The following ZNF143 variants were observed in gnomAD, a reference collection of about 807,000 sequenced individuals.
ZNF143 encodes SPH-binding factor.
A neutral mutation model predicts 74.1 loss-of-function variants in ZNF143; 49 were observed. The observed-to-expected ratio is 0.66, with a 90% confidence interval of 0.53 to 0.84. ZNF143 has a LOEUF of 0.84. Ranked by LOEUF, ZNF143 falls within the 40% of genes least tolerant of loss-of-function variation. The pLI, the probability that ZNF143 is intolerant of heterozygous loss-of-function variation, is 0.00. For synonymous variants in ZNF143, 304 were observed against 282.8 expected, an observed-to-expected ratio of 1.07 and a Z score of -0.75; for missense variants, 637 against 793.4, an observed-to-expected ratio of 0.80 and a Z score of 2.37.
At chr11:9,496,600 TC>T in intron 9 of ZNF143, among the ~76,000 whole-genome samples, 2 of 151,820 alleles carry the variant, frequency 1.3e-5, no homozygotes, top group African/African-American at 4.8e-5. Flanking sequence ...TTTTTCTTTT[TC>T]TTTTTCTTTT....
chr11:9,525,396 A>G lies in ZNF143; in HGVS notation c.1833+10A>G. 1 of 1,614,018 alleles carries G rather than the reference A, an allele frequency of 6.2e-7. No homozygotes were observed. Among genetic ancestry groups the G allele is most frequent in the Non-Finnish European group, 8.5e-7 (1 of 1,179,934 alleles). On this transcript the variant is annotated intron_variant, in intron 15 of 15. Transcript: ENST00000396602. ...CCAGATTGCAGTTCAGGTGAGTACC[A>G]AGGCATACTGTCCTCAGTCGACAGC...
At chr11:9,527,262 A>G (rs190768617) in intron 15 of ZNF143, among the ~76,000 whole-genome samples, 3 of 152,308 alleles carry the variant, frequency 2.0e-5, no homozygotes, top group Non-Finnish European at 4.4e-5. Flanking sequence ...ATGGGCCACC[A>G]TGCCCCGCTG....
intron 12 of ZNF143, 60 bp downstream of exon 12, chr11:9,508,906 A>C: frequency 6.8e-7 from 1 of 1,476,990 alleles, no homozygotes; most frequent in South Asian, 1.2e-5. Context: ...TTATGAACAT[A>C]ATTTATGATT....
chr11:9,508,296 A>G (rs1289782541), intron 11 of ZNF143, among the ~76,000 whole-genome samples: 1 of 152,220 alleles, frequency 6.6e-6, no homozygotes, highest in Non-Finnish European at 1.5e-5. Flanking sequence ...AACAGTATCT[A>G]GATTATCTAA....
In ZNF143 at chr11:9,472,734, A is replaced by G. The variant is rs1856655616; in HGVS notation, c.170A>G (p.Asp57Gly). ...AGCTTGCAAGCAGTAACACTTGCAGATGGTTCTACTGCTTACATACAACAC... is the reference window on the plus strand; with the variant it reads ...AGCTTGCAAGCAGTAACACTTGCAGGTGGTTCTACTGCTTACATACAACAC... ...GVSLQAVTLADGSTAYIQHNS... is the reference protein window; with the variant it reads ...GVSLQAVTLAGGSTAYIQHNS... The change falls in exon 3 of 16, where the codon GAT (aspartate) becomes GGT (glycine). Residue 57 changes from aspartate (D) to glycine (G), a missense_variant. Physicochemically the swap from Asp to Gly is moderately conservative, Grantham distance 94. This residue lies in a region of ZNF143 where 293 missense variants were observed against 307.8 expected (regional missense o/e 0.95). Coordinates refer to ENST00000396602, the MANE Select transcript of ZNF143 (RefSeq NM_003442.6). The G allele has an allele frequency of 1.2e-6, 2 of 1,602,704 alleles. No homozygotes were observed. The highest frequency in any genetic ancestry group is 8.5e-7 in the Non-Finnish European group (1 of 1,176,182).
rs1203434544 is a variant in ZNF143, at chr11:9,506,668, T to TA, written c.1148-1950dup. ...AATTGAAGTAGAGAGAGTATGCAGT[T>TA]ATAAATGTTGGTCTGACCTAAGAGG... On this transcript the variant is annotated intron_variant, in intron 11 of 15. Coordinates refer to ENST00000396602, the MANE Select transcript of ZNF143 (RefSeq NM_003442.6). Among the ~76,000 whole-genome samples the TA allele has an allele frequency of 1.2e-4, 19 of 152,282 alleles. No individual in the cohort carries two copies. The East Asian group carries it at 3.7e-3, about 29-fold the overall frequency.
chr11:9,494,568 C>G (rs912376382), intron 7 of ZNF143, 78 bp from the exon 8 acceptor site: 1 of 1,454,364 alleles, frequency 6.9e-7, no homozygotes, highest in Non-Finnish European at 9.4e-7. Context: ...ACCTCTGCCT[C>G]CCCATGTGCT....
chr11:9,479,203 C>A (rs1018252880), intron 6 of ZNF143, among the ~76,000 whole-genome samples: 4 of 150,890 alleles, frequency 2.7e-5, no homozygotes, highest in African/African-American at 9.8e-5. Flanking sequence ...CAGGGTCTTG[C>A]TCTTTTGTCC....
At chr11:9,505,571 A>T (rs1293697258) in intron 11 of ZNF143, among the ~76,000 whole-genome samples, 1 of 151,960 alleles carries the variant, frequency 6.6e-6, no homozygotes, top group African/African-American at 2.4e-5. Context: ...GTACCTACGA[A>T]TGAGTTCACT....
At chr11:9,469,868 C>A (rs1856468947) in intron 1 of ZNF143, among the ~76,000 whole-genome samples, 1 of 152,306 alleles carries the variant, frequency 6.6e-6, no homozygotes, top group South Asian at 2.1e-4. Context: ...GTTATCATGG[C>A]ACTGATACCT....
intron 11 of ZNF143, 52 bp from the exon 12 acceptor site, chr11:9,508,567 G>A (rs1848439742): frequency 2.6e-6 from 4 of 1,555,958 alleles, no homozygotes; most frequent in Middle Eastern, 1.9e-4. Flanking sequence ...AGTATGGAAT[G>A]ATTTTGCCTA....
intron 7 of ZNF143, among the ~76,000 whole-genome samples, chr11:9,493,696 CATGTGTGACAGTCTGCAG>C (rs1847862435): frequency 6.6e-6 from 1 of 152,108 alleles, no homozygotes; most frequent in Non-Finnish European, 1.5e-5. Context: ...AATTATATGC[CATGTGTGACAGTCTGCAG>C]AGATAGGATG....
At chr11:9,524,141 G>A (rs1192120978) in intron 14 of ZNF143, among the ~76,000 whole-genome samples, 1 of 150,780 alleles carries the variant, frequency 6.6e-6, no homozygotes, top group Non-Finnish European at 1.5e-5. Flanking sequence ...ATTCTTCTCT[G>A]TACTGCTATT....
intron 7 of ZNF143, among the ~76,000 whole-genome samples, chr11:9,489,857 A>G (rs1312716167): frequency 6.6e-6 from 1 of 152,194 alleles, no homozygotes; most frequent in Non-Finnish European, 1.5e-5. Context: ...CAATTCTACT[A>G]AAATAAAACT....
intron 15 of ZNF143, among the ~76,000 whole-genome samples, chr11:9,525,652 G>A (rs1053286929): frequency 6.6e-6 from 1 of 152,066 alleles, no homozygotes; most frequent in Non-Finnish European, 1.5e-5. Context: ...ACCCACCCAG[G>A]CATCTTTACT....
chr11:9,486,340 AT>A (rs1847471472), intron 7 of ZNF143, among the ~76,000 whole-genome samples: 1 of 84,552 alleles, frequency 1.2e-5, no homozygotes, highest in Non-Finnish European at 2.2e-5. Flanking sequence ...CGCTAATTAT[AT>A]TATATATATA....
chr11:9,462,420 A>G (rs1031445371), intron 1 of ZNF143, among the ~76,000 whole-genome samples: 8 of 152,030 alleles, frequency 5.3e-5, no homozygotes, highest in African/African-American at 1.7e-4. Flanking sequence ...AATTTTTTTT[A>G]AGTGAAATCA....
At chr11:9,498,868 T>C (rs2134077949) in intron 10 of ZNF143, among the ~76,000 whole-genome samples, 1 of 152,330 alleles carries the variant, frequency 6.6e-6, no homozygotes, top group South Asian at 2.1e-4. Context: ...TATTAATGTT[T>C]AACCTGCAGC....
chr11:9,479,093 G>C (rs905623162), intron 6 of ZNF143, among the ~76,000 whole-genome samples: 1 of 151,714 alleles, frequency 6.6e-6, no homozygotes. Context: ...TTTTTCCCCT[G>C]CATTGAACAT....
Sources: gnomAD v4.1 joint callset for allele counts (sites outside exome capture counted in the v4.1 genomes callset) on GRCh38, gnomAD v4.1.1 for gene constraint, gnomAD v4.1.1 regional missense constraint, MANE v1.5 for transcripts, NCBI Gene and HGNC (gene_info 2026-07-23, HGNC 2026-07-21) for gene names.